Variants in TAFA1 observed in about 807,000 individuals in gnomAD.
TAFA1 encodes the protein TAFA chemokine like family member 1.
In TAFA1, 4 loss-of-function variants were observed where a neutral mutation model predicts 18.5. The observed-to-expected ratio is 0.22, with a 90% confidence interval of 0.11 to 0.49. The LOEUF is 0.49. TAFA1 is among the 20% of genes least tolerant of loss of function. The pLI is 0.98. For synonymous variants in TAFA1, 56 were observed against 55.2 expected, an observed-to-expected ratio of 1.01 and a Z score of -0.06; for missense variants, 147 against 169.0, an observed-to-expected ratio of 0.87 and a Z score of 0.72.
chr3:68,337,287 A>T (rs2068988290), intron 2 of TAFA1, among the ~76,000 whole-genome samples: 1 of 152,118 alleles, frequency 6.6e-6, no homozygotes, highest in Non-Finnish European at 1.5e-5. Flanking sequence ...CAGGAGGAAG[A>T]GAGAGAATGG....
chr3:68,536,590 A>G (rs1477570676), intron 3 of TAFA1, among the ~76,000 whole-genome samples: 2 of 152,200 alleles, frequency 1.3e-5, no homozygotes, highest in Non-Finnish European at 2.9e-5. Flanking sequence ...GAGCTAACAC[A>G]GGGAGGAGCT....
chr3:68,023,772 AG>A (rs1704748525), intron 2 of TAFA1, among the ~76,000 whole-genome samples: 1 of 152,120 alleles, frequency 6.6e-6, no homozygotes, highest in African/African-American at 2.4e-5. Flanking sequence ...CATGACATCA[AG>A]CTTGTTTTGT....
chr3:68,463,159 A>G (rs939365042), intron 3 of TAFA1, among the ~76,000 whole-genome samples: 1 of 152,184 alleles, frequency 6.6e-6, no homozygotes, highest in Admixed American at 6.6e-5. Context: ...TGGTGGGGGC[A>G]TAGATTTCTA....
At chr3:68,072,243 C>G (rs550745942) in intron 2 of TAFA1, among the ~76,000 whole-genome samples, 1 of 152,268 alleles carries the variant, frequency 6.6e-6, no homozygotes, top group East Asian at 1.9e-4. Context: ...CAGGTGGCCT[C>G]TGCGGCAGAG....
chr3:68,290,705 T>C (rs1170422669), intron 2 of TAFA1, among the ~76,000 whole-genome samples: 1 of 152,184 alleles, frequency 6.6e-6, no homozygotes, highest in Non-Finnish European at 1.5e-5. Context: ...AGTCAAAAGA[T>C]ATATCTAATT....
rs1323326055 is a variant in TAFA1 at position 68,361,563 on chromosome 3, A to G, written c.119-55717A>G. On this transcript the variant is annotated intron_variant, in intron 2 of 4. Transcript: ENST00000478136. Reference sequence around the variant, plus strand: ...ATAACCCCATATTCCTGATTTGATCATTACACATTATAGTCATGTAACAAA... The same window carrying G: ...ATAACCCCATATTCCTGATTTGATCGTTACACATTATAGTCATGTAACAAA... Among the ~76,000 whole-genome samples, 4 of 152,020 alleles carry G rather than the reference A, an allele frequency of 2.6e-5. No homozygotes were observed. The East Asian group carries it at 7.7e-4, about 29-fold the overall frequency.
chr3:68,317,651 A>T (rs2068625251), intron 2 of TAFA1, among the ~76,000 whole-genome samples: 1 of 152,196 alleles, frequency 6.6e-6, no homozygotes, highest in Admixed American at 6.5e-5. Context: ...CAGATGCTTA[A>T]TAATTATTGA....
intron 2 of TAFA1, among the ~76,000 whole-genome samples, chr3:68,229,371 A>T (rs1213908041): frequency 6.6e-6 from 1 of 152,202 alleles, no homozygotes; most frequent in Non-Finnish European, 1.5e-5. Context: ...AAGATATCTT[A>T]TTCTAAAACA....
At chr3:68,160,666 C>T (rs1024184569) in intron 2 of TAFA1, among the ~76,000 whole-genome samples, 4 of 152,180 alleles carry the variant, frequency 2.6e-5, no homozygotes, top group African/African-American at 9.7e-5. Flanking sequence ...ATTCTTGTTT[C>T]ATTAGCCATT....
At chr3:68,477,674 T>C (rs987760491) in intron 3 of TAFA1, among the ~76,000 whole-genome samples, 3 of 152,130 alleles carry the variant, frequency 2.0e-5, no homozygotes, top group Non-Finnish European at 4.4e-5. Context: ...AACAGTGTTC[T>C]TATAGACATT....
chr3:68,172,032 G>A (rs1178201076), intron 2 of TAFA1, among the ~76,000 whole-genome samples: 1 of 152,094 alleles, frequency 6.6e-6, no homozygotes, highest in Non-Finnish European at 1.5e-5. Flanking sequence ...GAAAGGGGAA[G>A]AAAGAAATTT....
At chr3:68,251,845 G>A (rs1033842012) in intron 2 of TAFA1, among the ~76,000 whole-genome samples, 4 of 152,162 alleles carry the variant, frequency 2.6e-5, no homozygotes, top group Non-Finnish European at 4.4e-5. Context: ...GCCATATGTA[G>A]GTGCCAGGAA....
intron 3 of TAFA1, among the ~76,000 whole-genome samples, chr3:68,450,351 T>C (rs983770821): frequency 3.9e-5 from 6 of 152,212 alleles, no homozygotes; most frequent in Admixed American, 2.0e-4. Flanking sequence ...AGTTGGGACA[T>C]ATATTTAGCA....
At chr3:68,149,261 A>G (rs1250800445) in intron 2 of TAFA1, among the ~76,000 whole-genome samples, 1 of 152,244 alleles carries the variant, frequency 6.6e-6, no homozygotes, top group African/African-American at 2.4e-5. Flanking sequence ...ATCTTAATTA[A>G]CTAAAGTAAA....
At chr3:68,320,786 G>T (rs1421363045) in intron 2 of TAFA1, among the ~76,000 whole-genome samples, 2 of 152,112 alleles carry the variant, frequency 1.3e-5, no homozygotes, top group African/African-American at 4.8e-5. Flanking sequence ...AACAAGGCAG[G>T]AATTTGAGAA....
chr3:68,474,302 A>G (rs926850924), intron 3 of TAFA1, among the ~76,000 whole-genome samples: 1 of 152,180 alleles, frequency 6.6e-6, no homozygotes, highest in African/African-American at 2.4e-5. Flanking sequence ...TCATTTCTCT[A>G]AAGGGGCTAG....
At chr3:68,199,777 A>G (rs899915833) in intron 2 of TAFA1, among the ~76,000 whole-genome samples, 1 of 151,436 alleles carries the variant, frequency 6.6e-6, no homozygotes, top group African/African-American at 2.4e-5. Context: ...TTTCTACATA[A>G]TCATGCCATT....
chr3:68,338,756 C>A (rs1363344548), intron 2 of TAFA1, among the ~76,000 whole-genome samples: 1 of 152,202 alleles, frequency 6.6e-6, no homozygotes, highest in Non-Finnish European at 1.5e-5. Flanking sequence ...CATCTGGTAA[C>A]TGTATTAATC....
intron 2 of TAFA1, among the ~76,000 whole-genome samples, chr3:68,297,140 C>T (rs1021971152): frequency 1.3e-5 from 2 of 152,108 alleles, no homozygotes; most frequent in African/African-American, 2.4e-5. Flanking sequence ...GTATATAACA[C>T]AAGATGACGC....
Sources: gnomAD v4.1 joint callset for allele counts (sites outside exome capture counted in the v4.1 genomes callset) on GRCh38, gnomAD v4.1.1 for gene constraint, MANE v1.5 for transcripts, NCBI Gene and HGNC (gene_info 2026-07-23, HGNC 2026-07-21) for gene names.